ASAP2: variants seen among roughly 807,000 people sequenced by gnomAD.
ASAP2 encodes ArfGAP with SH3 domain, ankyrin repeat and PH domain 2.
In ASAP2, 45 loss-of-function variants were observed where a neutral mutation model predicts 131.4. The observed-to-expected ratio is 0.34, with a 90% confidence interval of 0.27 to 0.44. The LOEUF is 0.44. Among genes scored for constraint, ASAP2 ranks in the 20% least tolerant of loss-of-function variants. The pLI is 1.00. For missense variants in ASAP2, 1,011 were observed against 1,297.0 expected (o/e 0.78, Z 3.39); for synonymous variants, 510 against 503.0 (o/e 1.01, Z -0.19).
rs113037728 is a variant in ASAP2, at chr2:9,403,110, A to C, written c.2947-143A>C. The C allele has an allele frequency of 7.5e-6, 5 of 664,144 alleles. No individual in the cohort carries two copies. In the African/African-American group the frequency reaches 9.1e-5, roughly 12 times the overall value. The allele number at this position is 664,144 out of a possible 1,614,324, so 41.1% of individuals were successfully genotyped here. On this transcript the variant is annotated intron_variant, in intron 27 of 27. Transcript: ENST00000281419. ...GGAAAAACGGACAAAAATCATTTGG[A>C]TGTTTTACCTAAGTAATTCCTTGTC...
chr2:9,334,383 C>T (rs1485426934), intron 7 of ASAP2, among the ~76,000 whole-genome samples: 4 of 151,962 alleles, frequency 2.6e-5, no homozygotes, highest in African/African-American at 7.2e-5. Flanking sequence ...TTCCATGTCG[C>T]GGTCGCCTGT....
At chr2:9,308,597 G>A (rs1239422375) in intron 3 of ASAP2, among the ~76,000 whole-genome samples, 1 of 152,192 alleles carries the variant, frequency 6.6e-6, no homozygotes, top group Non-Finnish European at 1.5e-5. Context: ...ATGGCAGCAT[G>A]TGCCCAGCCT....
In ASAP2 at chr2:9,354,621, G is replaced by A. The variant is rs10208984; in HGVS notation, c.1112-1426G>A. Among the ~76,000 whole-genome samples the A allele has an allele frequency of 5.8e-3, 870 of 151,178 alleles. 6 individuals carry two copies. The highest frequency in any genetic ancestry group is 0.02 in the African/African-American group (807 of 41,022). On this transcript the variant is annotated intron_variant, in intron 12 of 27. Coordinates refer to ENST00000281419, the MANE Select transcript of ASAP2 (RefSeq NM_003887.3). Reference sequence around the variant, plus strand: ...CGTTTGCACCACTCCACTCCAACCTGGGCAGCAGAGTGAGACTCCGTCTCA... The same window carrying A: ...CGTTTGCACCACTCCACTCCAACCTAGGCAGCAGAGTGAGACTCCGTCTCA...
chr2:9,326,132 G>A lies in ASAP2; in HGVS notation c.601-1694G>A, dbSNP rs565238167. 1.6e-4 allele frequency among the ~76,000 whole-genome samples: 25 copies of A among 152,318 alleles called. 1 individual carries two copies. The South Asian group carries it at 2.1e-3, about 13-fold the overall frequency. ...AGGGTGGCTCACACCTGCAATCCCA[G>A]CACTTTGGGAGGCTGAGGTGGGAGG... On this transcript the variant is annotated intron_variant, in intron 6 of 27. Transcript: ENST00000281419.
intron 24 of ASAP2, among the ~76,000 whole-genome samples, chr2:9,398,427 C>T (rs1303991555): frequency 6.6e-6 from 1 of 152,148 alleles, no homozygotes; most frequent in Non-Finnish European, 1.5e-5. Context: ...GGGAGGATCA[C>T]TTGACCCCAG....
rs189458500 is a variant in ASAP2, at chr2:9,209,502, A to C, written c.126+2272A>C. On this transcript the variant is annotated intron_variant, in intron 1 of 27. Transcript: ENST00000281419. Reference sequence around the variant, plus strand: ...CATAAAGTTACTCATTTAACAAATAAATAAAATTTGCAAGCTCTTGGTCTT... The same window carrying C: ...CATAAAGTTACTCATTTAACAAATACATAAAATTTGCAAGCTCTTGGTCTT... Among the ~76,000 whole-genome samples the C allele has an allele frequency of 4.7e-4, 71 of 152,370 alleles. No individual in the cohort carries two copies. The East Asian group carries it at 8.1e-3, about 17-fold the overall frequency.
intron 6 of ASAP2, among the ~76,000 whole-genome samples, chr2:9,323,826 G>A (rs1261110022): frequency 6.6e-6 from 1 of 152,232 alleles, no homozygotes; most frequent in African/African-American, 2.4e-5. Flanking sequence ...CCCTTAGTGA[G>A]GCGGAGACAG....
chr2:9,399,453 A>T (rs901424907), intron 24 of ASAP2: 2 of 152,680 alleles, frequency 1.3e-5, no homozygotes, highest in African/African-American at 4.8e-5. Context: ...GAGATGAGGG[A>T]CCCCTCTCTG....
intron 19 of ASAP2, 58 bp downstream of exon 19, chr2:9,379,117 T>C: frequency 7.8e-7 from 1 of 1,279,838 alleles, no homozygotes; most frequent in Non-Finnish European, 1.0e-6. Flanking sequence ...CTGCCTCCTG[T>C]CTGCCATCCA....
At chr2:9,375,024 A>G in intron 17 of ASAP2, 80 bp downstream of exon 17, 1 of 1,347,410 alleles carries the variant, frequency 7.4e-7, no homozygotes, top group Non-Finnish European at 9.9e-7. Context: ...CCAGTACTTT[A>G]CTTCAGGAGG....
intron 1 of ASAP2, among the ~76,000 whole-genome samples, chr2:9,227,881 A>G (rs1352587658): frequency 6.6e-6 from 1 of 152,248 alleles, no homozygotes; most frequent in Non-Finnish European, 1.5e-5. Flanking sequence ...TTCTTTGGAA[A>G]TGACTAGTGA....
In ASAP2 at chr2:9,393,627, G is replaced by A. The variant is rs1355623552; in HGVS notation, c.2664G>A (p.Pro888=). The change falls in exon 24 of 28, where the codon CCG becomes CCA. Residue 888 remains proline (P), a synonymous_variant. Transcript: ENST00000281419. The stretch of plus-strand genomic sequence containing the variant: ...CCCCACAGCCGCCCAGCCGCCTCCC[G>A]CAGAAGAAGCCTGCGCCGGGGTAAG... ...PLPPQPPSRL[P]QKKPAPGADK... 4.4e-6 allele frequency: 7 copies of A among 1,582,212 alleles called. No homozygotes were observed. The highest frequency in any genetic ancestry group is 2.7e-5 in the African/African-American group (2 of 74,266).
intron 1 of ASAP2, among the ~76,000 whole-genome samples, chr2:9,237,350 G>A (rs965733660): frequency 1.3e-5 from 2 of 151,188 alleles, no homozygotes; most frequent in African/African-American, 4.9e-5. Flanking sequence ...TGATACCTTT[G>A]AAAAGATTAA....
chr2:9,405,455 G>A lies in ASAP2; in HGVS notation c.*2128G>A, dbSNP rs1000914804. 2.6e-5 allele frequency: 4 copies of A among 152,542 alleles called. No homozygotes were observed. The highest frequency in any genetic ancestry group is 9.7e-5 in the African/African-American group (4 of 41,404). 9.4% of individuals were successfully genotyped at this position (152,542 alleles called of 1,614,324 possible). ...GTAACTGTGTGATCTGTTAAGGGGT[G>A]GATAACATAATATGCAGCTTAGGAT... On this transcript the variant is annotated 3_prime_UTR_variant, in exon 28 of 28. Transcript: ENST00000281419.
chr2:9,300,456 G>A (rs542771568), intron 3 of ASAP2, among the ~76,000 whole-genome samples: 2 of 152,384 alleles, frequency 1.3e-5, no homozygotes, highest in Admixed American at 1.3e-4. Context: ...GTTACAGCTG[G>A]TACATTGCTC....
chr2:9,290,810 C>T (rs1042212965), intron 2 of ASAP2, among the ~76,000 whole-genome samples: 1 of 152,186 alleles, frequency 6.6e-6, no homozygotes, highest in Non-Finnish European at 1.5e-5. Context: ...GGCTTGTTCA[C>T]ACTCTGACAG....
At chr2:9,356,465 C>T in intron 14 of ASAP2, 120 bp downstream of exon 14, 9 of 1,171,284 alleles carry the variant, frequency 7.7e-6, no homozygotes, top group Non-Finnish European at 1.1e-5. Flanking sequence ...GCAGCTCAGC[C>T]TGAGTTCATC....
intron 24 of ASAP2, among the ~76,000 whole-genome samples, chr2:9,394,449 C>T (rs1024575948): frequency 6.6e-6 from 1 of 152,118 alleles, no homozygotes; most frequent in African/African-American, 2.4e-5. Flanking sequence ...CAGGCGTGAG[C>T]CACTGCACCA....
intron 1 of ASAP2, among the ~76,000 whole-genome samples, chr2:9,260,403 A>G (rs1665494688): frequency 6.8e-6 from 1 of 146,094 alleles, no homozygotes; most frequent in Admixed American, 6.7e-5. Context: ...CCATCACCTC[A>G]CTGCTTGGAT....
Sources: gnomAD v4.1 joint callset for allele counts (sites outside exome capture counted in the v4.1 genomes callset) on GRCh38, gnomAD v4.1.1 for gene constraint, MANE v1.5 for transcripts, NCBI Gene and HGNC (gene_info 2026-07-23, HGNC 2026-07-21) for gene names.